The following CASP6 variants were observed in gnomAD, a reference collection of about 807,000 sequenced individuals.
CASP6 encodes the protein caspase 6.
Under a neutral mutation model 31.8 loss-of-function variants are expected in CASP6, and 20 were observed. The ratio of observed to expected loss-of-function variants is 0.63; its 90% CI spans 0.44 to 0.91. CASP6 has a LOEUF of 0.91. Ranked by LOEUF, CASP6 falls within the 40% of genes least tolerant of loss-of-function variation. CASP6 has a pLI of 0.00. For synonymous variants in CASP6, 130 were observed against 127.8 expected (o/e 1.02, Z -0.12); for missense variants, 328 against 361.1 (o/e 0.91, Z 0.74).
At chr4:109,702,406 T>G (rs1554022649) in intron 1 of CASP6, among the ~76,000 whole-genome samples, 1 of 150,302 alleles carries the variant, frequency 6.7e-6, no homozygotes, top group Non-Finnish European at 1.5e-5. Context: ...CTCGGCTCAC[T>G]GCAACCTCCA....
chr4:109,673,987 A>G, the CASP6 span: 3 of 979,322 alleles, frequency 3.1e-6, no homozygotes, highest in Non-Finnish European at 5.0e-6. Context: ...ACACAAACTG[A>G]AGAGCAGGGG....
At position 109,703,417 on chromosome 4, in the gene CASP6, A is replaced by T. The variant is rs763401257; in HGVS notation, c.-22T>A. On this transcript the variant is annotated 5_prime_UTR_variant, in exon 1 of 7. Coordinates refer to ENST00000265164, the MANE Select transcript of CASP6 (RefSeq NM_001226.4). ...TCATTGCAGCCAAACGCGCAGCCAG[A>T]CACCTTGCCCTCCTCTTCCTGAAGC... 6.2e-7 allele frequency: 1 copy of T among 1,610,476 alleles called. No homozygotes were observed. Among genetic ancestry groups the T allele is most frequent in the Non-Finnish European group, 8.5e-7 (1 of 1,178,748 alleles).
chr4:109,697,336 A>T (rs559914629), intron 3 of CASP6, among the ~76,000 whole-genome samples: 5 of 151,898 alleles, frequency 3.3e-5, no homozygotes, highest in African/African-American at 9.7e-5. Flanking sequence ...CAGTGGCATG[A>T]TCACAGCTCC....
the CASP6 span, among the ~76,000 whole-genome samples, chr4:109,666,464 G>A: frequency 3.3e-5 from 5 of 152,258 alleles, no homozygotes; most frequent in African/African-American, 1.2e-4. Context: ...AGCAATTGGT[G>A]GTATTAGTGA....
downstream of CASP6, chr4:109,684,610 T>A: frequency 1.3e-6 from 2 of 1,583,074 alleles, no homozygotes; most frequent in Non-Finnish European, 1.7e-6. Context: ...TTGCAAATTC[T>A]ATGGTCTTTT....
the CASP6 span, among the ~76,000 whole-genome samples, chr4:109,676,296 TAGG>T: frequency 6.6e-6 from 1 of 152,270 alleles, no homozygotes; most frequent in Non-Finnish European, 1.5e-5. Flanking sequence ...CCCGGCACTT[TAGG>T]AGGCTGAGGC....
chr4:109,678,722 G>A, the CASP6 span, among the ~76,000 whole-genome samples: 4 of 148,124 alleles, frequency 2.7e-5, no homozygotes, highest in Non-Finnish European at 3.0e-5. Context: ...TGGCCAAGCA[G>A]AGGCGCTCCC....
chr4:109,664,942 G>T, the CASP6 span, among the ~76,000 whole-genome samples: 1 of 72,334 alleles, frequency 1.4e-5, no homozygotes. Flanking sequence ...CTTAACTCTT[G>T]TAAAAAAAAA....
chr4:109,671,830 A>G, the CASP6 span, among the ~76,000 whole-genome samples: 2 of 152,174 alleles, frequency 1.3e-5, no homozygotes, highest in Non-Finnish European at 2.9e-5. Context: ...ATCAGGCAAT[A>G]GAAACTGAGC....
chr4:109,693,993 C>T (rs577242303), intron 5 of CASP6, among the ~76,000 whole-genome samples: 2 of 152,192 alleles, frequency 1.3e-5, no homozygotes, highest in African/African-American at 4.8e-5. Context: ...CTCGGCCTCC[C>T]AAAGTGCTGG....
the CASP6 span, among the ~76,000 whole-genome samples, chr4:109,680,314 C>T: frequency 6.6e-6 from 1 of 152,150 alleles, no homozygotes; most frequent in Admixed American, 6.5e-5. Context: ...GTAACATTAA[C>T]CAACTATCCA....
chr4:109,679,805 GTTGTTGTTGTTT>G, the CASP6 span, among the ~76,000 whole-genome samples: 3 of 152,090 alleles, frequency 2.0e-5, no homozygotes, highest in Admixed American at 2.0e-4. Flanking sequence ...TGTTGTTGTT[GTTGTTGTTGTTT>G]TTGAGACAGA....
the CASP6 span, chr4:109,682,544 T>C: frequency 5.8e-6 from 9 of 1,551,550 alleles, no homozygotes; most frequent in African/African-American, 2.7e-5. Context: ...GCGGGAACAA[T>C]GTGGTGACTG....
chr4:109,684,919 C>A (rs189657562), downstream of CASP6: 937 of 372,480 alleles, frequency 2.5e-3, 4 homozygotes, highest in African/African-American at 0.017. Flanking sequence ...ATAAAAAAAA[C>A]TGAATTTGCA....
chr4:109,707,940 G>A (rs889397943), upstream of CASP6, among the ~76,000 whole-genome samples: 10 of 152,210 alleles, frequency 6.6e-5, no homozygotes, highest in African/African-American at 2.4e-4. Flanking sequence ...CAGATTTGAT[G>A]AAACGGTGGC....
upstream of CASP6, among the ~76,000 whole-genome samples, chr4:109,705,858 T>C (rs1442724773): frequency 3.4e-5 from 5 of 146,294 alleles, no homozygotes; most frequent in East Asian, 1.0e-3. Flanking sequence ...CACATGCCTG[T>C]ATTCCCAGCA....
the CASP6 span, among the ~76,000 whole-genome samples, chr4:109,669,745 G>A: frequency 6.7e-6 from 1 of 149,574 alleles, no homozygotes; most frequent in Non-Finnish European, 1.5e-5. Context: ...AGTTTTGAAA[G>A]TTTCTAATGA....
chr4:109,696,568 AT>A, intron 3 of CASP6, 82 bp from the exon 4 acceptor site: 1 of 856,146 alleles, frequency 1.2e-6, no homozygotes, highest in Non-Finnish European at 1.8e-6. Flanking sequence ...ATCTATACAC[AT>A]TTTAACGACA....
chr4:109,700,232 T>G (rs1352289705), intron 1 of CASP6, among the ~76,000 whole-genome samples: 1 of 152,226 alleles, frequency 6.6e-6, no homozygotes, highest in Non-Finnish European at 1.5e-5. Context: ...TCCCAGTTGT[T>G]AGCTGACACA....
Sources: allele counts gnomAD v4.1 joint callset (sites outside exome capture counted in the v4.1 genomes callset), GRCh38; gene constraint gnomAD v4.1.1; transcripts MANE v1.5; gene names NCBI Gene and HGNC (gene_info 2026-07-23, HGNC 2026-07-21).